Variants in IFIT3 observed in about 807,000 individuals in gnomAD.
IFIT3 encodes interferon-induced protein with tetratricopeptide repeats 3.
Under a neutral mutation model 2.4 loss-of-function variants are expected in IFIT3, and 2 were observed. That is an observed-to-expected ratio of 0.82 (90% CI 0.34 to 2.60). The LOEUF (loss-of-function observed/expected upper bound fraction) is 2.60, where lower values mean the gene tolerates loss of function less well. IFIT3 is among the 30% of genes most tolerant of loss of function. The probability of loss-of-function intolerance (pLI) is 0.11; values close to 1 mark genes in which losing one functional copy is unlikely to be tolerated. For synonymous variants in IFIT3, 203 were observed against 212.1 expected (o/e 0.96, Z 0.37); for missense variants, 481 against 562.4 (o/e 0.86, Z 1.46).
intron 1 of IFIT3, among the ~76,000 whole-genome samples, chr10:89,334,766 C>T (rs949245112): frequency 2.3e-4 from 35 of 152,120 alleles, no homozygotes; most frequent in African/African-American, 8.4e-4. Context: ...GCTGGGATTA[C>T]AGGTGTGAGC....
At position 89,340,955 on chromosome 10, in the gene IFIT3, T is replaced by C. The variant is rs767729077; in HGVS notation, c.*827T>C. The C allele has an allele frequency of 1.3e-5, 2 of 152,222 alleles. No individual in the cohort carries two copies. Among genetic ancestry groups the C allele is most frequent in the Non-Finnish European group, 2.9e-5 (2 of 68,046 alleles). 9.4% of individuals were successfully genotyped at this position (152,222 alleles called of 1,614,324 possible). On this transcript the variant is annotated 3_prime_UTR_variant, in exon 2 of 2. Transcript: ENST00000371818. ...AGTAATGCTACAATAAATCCAAACA[T>C]TTCAACTCTGTTAGAATAGAGGTAA... is the stretch of plus-strand genomic sequence containing the variant.
chr10:89,331,278 T>A (rs1051775864), intron 1 of IFIT3, among the ~76,000 whole-genome samples: 1 of 152,072 alleles, frequency 6.6e-6, no homozygotes, highest in Non-Finnish European at 1.5e-5. Flanking sequence ...GCTCAAGGGA[T>A]TCTCCCACCC....
rs1843800901 is a variant in IFIT3, at chr10:89,339,100, T to A, written c.445T>A (p.Cys149Ser). 6.2e-7 allele frequency: 1 copy of A among 1,613,782 alleles called. No homozygotes were observed. Among genetic ancestry groups the A allele is most frequent in the Non-Finnish European group, 8.5e-7 (1 of 1,180,010 alleles). Residue 149 changes from cysteine to serine, a missense_variant, in exon 2 of 2, where the codon TGT becomes AGT. Transcript: ENST00000371818. Reference sequence around the variant, plus strand: ...TGAGGAAGGGTGGACACAACTGAAGTGTGGAAGAAATGAAAGGGCGAAGGT... The same window carrying A: ...TGAGGAAGGGTGGACACAACTGAAGAGTGGAAGAAATGAAAGGGCGAAGGT... ...DCEEGWTQLK[C>S]GRNERAKVCF...
chr10:89,338,776 C>A lies in IFIT3; in HGVS notation c.121C>A (p.Gln41Lys), dbSNP rs1843790962. The A allele has an allele frequency of 6.2e-7, 1 of 1,613,900 alleles. No homozygotes were observed. The highest frequency in any genetic ancestry group is 8.5e-7 in the Non-Finnish European group (1 of 1,179,980). ...SRDLEDRVCN[Q>K]IEFLNTEFKA... The stretch of plus-strand genomic sequence containing the variant: ...GGATCTAGAAGATAGAGTGTGTAAC[C>A]AGATTGAATTTTTAAACACTGAGTT... The change falls in exon 2 of 2, where the codon CAG (glutamine) becomes AAG (lysine). Residue 41 changes from glutamine to lysine, a missense_variant. Physicochemically the swap from Gln to Lys is moderately conservative, Grantham distance 53 (BLOSUM62 1). Coordinates refer to ENST00000371818, the MANE Select transcript of IFIT3 (RefSeq NM_001549.6).
At chr10:89,334,478 C>CTTTTTTTTTTTTTTTTTTTT (rs578154457) in intron 1 of IFIT3, among the ~76,000 whole-genome samples, 6 of 25,314 alleles carry the variant, frequency 2.4e-4, no homozygotes, top group Non-Finnish European at 2.1e-4. Flanking sequence ...TTCTTTTATT[C>CTTTTTTTTTTTTTTTTTTTT]TTTTTTTTTT....
Position 89,331,204 on chromosome 10 carries a change from A to T in IFIT3, c.5+3126A>T, listed in dbSNP as rs1294726535. ...GTTGTTGTTTTTGAGACAGAGTCTC[A>T]CTCTGTCACCCAGGCTGGAGTGCAG... On this transcript the variant is annotated intron_variant, in intron 1 of 1. Transcript: ENST00000371818. Among the ~76,000 whole-genome samples the T allele has an allele frequency of 3.9e-5, 6 of 151,938 alleles. No homozygotes were observed. In the East Asian group the frequency reaches 9.7e-4, roughly 24 times the overall value.
intron 1 of IFIT3, chr10:89,332,763 T>C: frequency 1.1e-6 from 1 of 927,288 alleles, no homozygotes. Flanking sequence ...TACCAATTCA[T>C]GCATTTTTAT....
chr10:89,328,604 G>A (rs1843621514), intron 1 of IFIT3, among the ~76,000 whole-genome samples: 1 of 152,158 alleles, frequency 6.6e-6, no homozygotes. Context: ...AGGCAATTTT[G>A]CCCTGAAACG....
At position 89,339,834 on chromosome 10, in the gene IFIT3, T is replaced by C. The variant is rs1281166058; in HGVS notation, c.1179T>C (p.Thr393=). The part of the protein sequence containing the change: ...LEGLSISKKS[T]DKEEIKDQPQ... ...GTTTGTCCATAAGCAAAAAATCAAC[T>C]GACAAGGAAGAGATCAAAGACCAAC... Residue 393 remains threonine, a synonymous_variant, in exon 2 of 2, where the codon ACT becomes ACC. Coordinates refer to ENST00000371818, the MANE Select transcript of IFIT3 (RefSeq NM_001549.6). 2 of 1,614,160 alleles carry C rather than the reference T, an allele frequency of 1.2e-6. No homozygotes were observed. The highest frequency in any genetic ancestry group is 1.7e-6 in the Non-Finnish European group (2 of 1,180,016).
chr10:89,328,682 T>C (rs1341016297), intron 1 of IFIT3, among the ~76,000 whole-genome samples: 1 of 152,232 alleles, frequency 6.6e-6, no homozygotes, highest in Non-Finnish European at 1.5e-5. Flanking sequence ...TCATTTCTTA[T>C]ATAAAAACAA....
At chr10:89,329,836 C>A (rs1843632944) in intron 1 of IFIT3, among the ~76,000 whole-genome samples, 1 of 152,076 alleles carries the variant, frequency 6.6e-6, no homozygotes, top group Non-Finnish European at 1.5e-5. Flanking sequence ...TTTATTTCAC[C>A]TGGGTGCAGG....
rs1843616023 is a variant in IFIT3 at position 89,328,068 on chromosome 10, G to A, written c.-6G>A. Reference sequence around the variant, plus strand: ...TTTCGGAACAGCAGAGACACAGAGGGCAGTCATGAGGTCAGTGAAATAAGA... The same window carrying A: ...TTTCGGAACAGCAGAGACACAGAGGACAGTCATGAGGTCAGTGAAATAAGA... On this transcript the variant is annotated 5_prime_UTR_variant, in exon 1 of 2. Coordinates refer to ENST00000371818, the MANE Select transcript of IFIT3 (RefSeq NM_001549.6). The A allele has an allele frequency of 2.5e-6, 4 of 1,613,936 alleles. No individual in the cohort carries two copies. In the African/African-American group the frequency reaches 4.0e-5, roughly 16 times the overall value.
rs1365287736 is a variant in IFIT3 at position 89,334,651 on chromosome 10, C to G, written c.6-4010C>G. On this transcript the variant is annotated intron_variant, in intron 1 of 1. Coordinates refer to ENST00000371818, the MANE Select transcript of IFIT3 (RefSeq NM_001549.6). ...GGGATTACAGGCGCCTGCCACCACGCCCGGCTAATTTTTGTGTTTTTAGTA... is the reference window on the plus strand; with the variant it reads ...GGGATTACAGGCGCCTGCCACCACGGCCGGCTAATTTTTGTGTTTTTAGTA... Among the ~76,000 whole-genome samples the G allele has an allele frequency of 4.6e-5, 7 of 151,680 alleles. No homozygotes were observed. The East Asian group carries it at 7.7e-4, about 17-fold the overall frequency.
At chr10:89,336,785 C>G (rs948098170) in intron 1 of IFIT3, among the ~76,000 whole-genome samples, 2 of 152,022 alleles carry the variant, frequency 1.3e-5, no homozygotes, top group Non-Finnish European at 2.9e-5. Context: ...CTGTGAAATC[C>G]AAAAATAAGG....
In IFIT3 at chr10:89,339,560, G is replaced by A. The variant is rs1843816388; in HGVS notation, c.905G>A (p.Gly302Glu). 1.2e-6 allele frequency: 2 copies of A among 1,614,132 alleles called. No homozygotes were observed. Among genetic ancestry groups the A allele is most frequent in the Non-Finnish European group, 1.7e-6 (2 of 1,180,008 alleles). ...AATACAGGAGAATCTGAAGCTAGTGGAAATAAAGAGATGATTGAAGCACTA... is the reference window on the plus strand; with the variant it reads ...AATACAGGAGAATCTGAAGCTAGTGAAAATAAAGAGATGATTGAAGCACTA... ...MQNTGESEASGNKEMIEALKQ... is the reference protein window; with the variant it reads ...MQNTGESEASENKEMIEALKQ... Residue 302 changes from glycine to glutamate, a missense_variant, in exon 2 of 2, where the codon GGA becomes GAA. Gly to Glu is a moderately conservative substitution (Grantham distance 98). Transcript: ENST00000371818.
At position 89,339,515 on chromosome 10, in the gene IFIT3, C is replaced by A; in HGVS notation, c.860C>A (p.Ala287Glu). Residue 287 changes from alanine (A) to glutamate (E), a missense_variant, in exon 2 of 2, where the codon GCA becomes GAA. Transcript: ENST00000371818. ...LYHQIGCCYK[A>E]KVRQMQNTGE... Reference sequence around the variant, plus strand: ...CACCAGATTGGGTGCTGCTACAAGGCAAAAGTAAGACAAATGCAGAATACA... The same window carrying A: ...CACCAGATTGGGTGCTGCTACAAGGAAAAAGTAAGACAAATGCAGAATACA... 6.2e-7 allele frequency: 1 copy of A among 1,613,992 alleles called. No homozygotes were observed. The highest frequency in any genetic ancestry group is 8.5e-7 in the Non-Finnish European group (1 of 1,179,962).
intron 1 of IFIT3, among the ~76,000 whole-genome samples, chr10:89,330,617 G>T (rs997778528): frequency 6.6e-6 from 1 of 152,172 alleles, no homozygotes; most frequent in Non-Finnish European, 1.5e-5. Flanking sequence ...TTTGGATGAA[G>T]GGAAAAGGAA....
At chr10:89,331,474 A>G (rs560714956) in intron 1 of IFIT3, among the ~76,000 whole-genome samples, 2 of 152,242 alleles carry the variant, frequency 1.3e-5, no homozygotes, top group East Asian at 3.9e-4. Flanking sequence ...TGCCTGGCCA[A>G]CATTTTCCAT....
chr10:89,329,530 A>G (rs978725016), intron 1 of IFIT3, among the ~76,000 whole-genome samples: 8 of 152,104 alleles, frequency 5.3e-5, no homozygotes, highest in Non-Finnish European at 1.0e-4. Context: ...CAGAGGCTAT[A>G]GGAACAGGAA....
Sources: gnomAD v4.1 joint callset for allele counts (sites outside exome capture counted in the v4.1 genomes callset) on GRCh38, gnomAD v4.1.1 for gene constraint, MANE v1.5 for transcripts, NCBI Gene and HGNC (gene_info 2026-07-23, HGNC 2026-07-21) for gene names.